The following ATG10 variants were observed in gnomAD, a reference collection of about 807,000 sequenced individuals.
ATG10 encodes autophagy related 10, also known as ubiquitin-like-conjugating enzyme ATG10.
In ATG10, 30 loss-of-function variants were observed where a neutral mutation model predicts 32.1. That is an observed-to-expected ratio of 0.94 (90% CI 0.70 to 1.27). The LOEUF is 1.27. ATG10 is among the 50% of genes most tolerant of loss of function. ATG10 has a pLI of 0.00. For missense variants in ATG10, 233 were observed against 262.3 expected, an observed-to-expected ratio of 0.89 and a Z score of 0.77; for synonymous variants, 87 against 91.5, an observed-to-expected ratio of 0.95 and a Z score of 0.28.
At chr5:82,219,146 T>C (rs1745821348) in intron 5 of ATG10, among the ~76,000 whole-genome samples, 1 of 152,242 alleles carries the variant, frequency 6.6e-6, no homozygotes, top group African/African-American at 2.4e-5. Flanking sequence ...CTGGAAAAAG[T>C]ATTTTAAAGT....
rs775527725 is a variant in ATG10 at position 82,006,414 on chromosome 5, A to G, written c.108+18736A>G. On this transcript the variant is annotated intron_variant, in intron 2 of 7. Coordinates refer to ENST00000282185, the MANE Select transcript of ATG10 (RefSeq NM_031482.5). Reference sequence around the variant, plus strand: ...TACCCATCACCTAGCTTCCACAATTATCGACTCACAGCCAGAGATGGTGTT... The same window carrying G: ...TACCCATCACCTAGCTTCCACAATTGTCGACTCACAGCCAGAGATGGTGTT... Among the ~76,000 whole-genome samples, 91 of 152,318 alleles carry G rather than the reference A, an allele frequency of 6.0e-4. 1 individual carries two copies. The highest frequency in any genetic ancestry group is 1.2e-3 in the Non-Finnish European group (81 of 68,024).
intron 5 of ATG10, among the ~76,000 whole-genome samples, chr5:82,247,082 T>A (rs958497082): frequency 8.5e-5 from 13 of 152,348 alleles, no homozygotes; most frequent in African/African-American, 2.9e-4. Flanking sequence ...CTCCTTGTCT[T>A]TGGCTGTCAG....
intron 3 of ATG10, among the ~76,000 whole-genome samples, chr5:82,107,859 G>A (rs1262783893): frequency 6.6e-6 from 1 of 152,006 alleles, no homozygotes; most frequent in African/African-American, 2.4e-5. Flanking sequence ...AAAACAAATA[G>A]GGATATTATG....
chr5:82,121,941 G>GTTTTTTTTTTTTTTTTTTTTTGTTT, intron 3 of ATG10, among the ~76,000 whole-genome samples: 1 of 121,018 alleles, frequency 8.3e-6, no homozygotes, highest in Non-Finnish European at 1.7e-5. Context: ...TTGGCCTGAA[G>GTTTTTTTTTTTTTTTTTTTTTGTTT]TTTTTTTTTT....
intron 3 of ATG10, among the ~76,000 whole-genome samples, chr5:82,145,671 G>A (rs1358083349): frequency 6.6e-6 from 1 of 151,078 alleles, no homozygotes; most frequent in African/African-American, 2.4e-5. Flanking sequence ...GCTTAAAACT[G>A]TCACATGCAT....
intron 3 of ATG10, among the ~76,000 whole-genome samples, chr5:82,112,791 A>G (rs1311990843): frequency 6.6e-6 from 1 of 151,918 alleles, no homozygotes; most frequent in Admixed American, 6.6e-5. Flanking sequence ...TTCTTAAATC[A>G]AGGTACATAT....
chr5:82,239,227 G>A (rs1029059407), intron 5 of ATG10, among the ~76,000 whole-genome samples: 3 of 152,132 alleles, frequency 2.0e-5, no homozygotes, highest in African/African-American at 7.2e-5. Flanking sequence ...GGGGCTATGG[G>A]TGCCCTCCAC....
At chr5:82,113,646 G>A (rs973601200) in intron 3 of ATG10, among the ~76,000 whole-genome samples, 1 of 151,942 alleles carries the variant, frequency 6.6e-6, no homozygotes, top group African/African-American at 2.4e-5. Flanking sequence ...CTTCCTCTAA[G>A]AATGAGTGCT....
At chr5:82,202,953 G>A (rs775709969) in intron 5 of ATG10, among the ~76,000 whole-genome samples, 4 of 152,136 alleles carry the variant, frequency 2.6e-5, no homozygotes, top group Non-Finnish European at 4.4e-5. Flanking sequence ...GGGGGGCTGG[G>A]TGTGGTGGCT....
At chr5:82,049,101 A>G (rs1489182494) in intron 2 of ATG10, among the ~76,000 whole-genome samples, 2 of 151,620 alleles carry the variant, frequency 1.3e-5, no homozygotes, top group Non-Finnish European at 2.9e-5. Flanking sequence ...ATGCACACGT[A>G]TGTTTCTTGC....
chr5:81,985,839 T>C (rs1026228222), intron 1 of ATG10, among the ~76,000 whole-genome samples: 5 of 152,242 alleles, frequency 3.3e-5, no homozygotes, highest in African/African-American at 1.2e-4. Context: ...CTCGGCTCAC[T>C]GCAAGCTCCG....
At chr5:82,248,880 A>G (rs1296006172) in intron 5 of ATG10, among the ~76,000 whole-genome samples, 2 of 151,740 alleles carry the variant, frequency 1.3e-5, no homozygotes, top group East Asian at 1.9e-4. Flanking sequence ...TTTAAAGACC[A>G]TCATTCATTT....
intron 2 of ATG10, among the ~76,000 whole-genome samples, chr5:82,006,547 G>A (rs1459323994): frequency 1.3e-5 from 2 of 151,988 alleles, no homozygotes; most frequent in African/African-American, 2.4e-5. Context: ...GTTCATGTGT[G>A]CTCTGTACGT....
intron 2 of ATG10, among the ~76,000 whole-genome samples, chr5:82,003,016 A>T (rs1343728225): frequency 6.6e-6 from 1 of 152,230 alleles, no homozygotes; most frequent in Non-Finnish European, 1.5e-5. Flanking sequence ...ATGGGATTTA[A>T]TTGAAGGATA....
intron 3 of ATG10, among the ~76,000 whole-genome samples, chr5:82,104,576 T>C (rs1340666930): frequency 2.6e-5 from 4 of 152,150 alleles, no homozygotes; most frequent in Non-Finnish European, 4.4e-5. Context: ...GTAGTAATGT[T>C]AACTGACCAG....
At chr5:82,084,118 A>G (rs966724285) in intron 3 of ATG10, among the ~76,000 whole-genome samples, 1 of 152,214 alleles carries the variant, frequency 6.6e-6, no homozygotes, top group African/African-American at 2.4e-5. Context: ...TAGAATAAAC[A>G]GTGTAGAGAA....
At chr5:82,075,265 G>T (rs1764240212) in intron 3 of ATG10, among the ~76,000 whole-genome samples, 1 of 152,166 alleles carries the variant, frequency 6.6e-6, no homozygotes, top group African/African-American at 2.4e-5. Flanking sequence ...TACCATAAGG[G>T]CAAGATATAA....
At chr5:82,099,572 C>T (rs1765189822) in intron 3 of ATG10, among the ~76,000 whole-genome samples, 1 of 152,022 alleles carries the variant, frequency 6.6e-6, no homozygotes, top group Non-Finnish European at 1.5e-5. Flanking sequence ...TATTAGACTG[C>T]ACCTTTTGTT....
At chr5:82,105,043 G>T (rs1179297431) in intron 3 of ATG10, among the ~76,000 whole-genome samples, 1 of 152,072 alleles carries the variant, frequency 6.6e-6, no homozygotes, top group African/African-American at 2.4e-5. Context: ...AGTGTTTGAT[G>T]TTACCACACA....
Sources: gnomAD v4.1 joint callset for allele counts (sites outside exome capture counted in the v4.1 genomes callset) on GRCh38, gnomAD v4.1.1 for gene constraint, MANE v1.5 for transcripts, NCBI Gene and HGNC (gene_info 2026-07-23, HGNC 2026-07-21) for gene names.